The following GLIS2 variants were observed in gnomAD, a reference collection of about 807,000 sequenced individuals.
The protein encoded by GLIS2 is zinc finger protein GLIS2.
In GLIS2, 14 loss-of-function variants were observed where a neutral mutation model predicts 35.6. That is an observed-to-expected ratio of 0.39 (90% CI 0.26 to 0.61). GLIS2 has a LOEUF of 0.61. Among genes scored for constraint, GLIS2 ranks in the 20% least tolerant of loss-of-function variants. The pLI is 0.48. For missense variants in GLIS2, 675 were observed against 713.4 expected (o/e 0.95, Z 0.61); for synonymous variants, 368 against 325.1 (o/e 1.13, Z -1.42).
intron 1 of GLIS2, among the ~76,000 whole-genome samples, chr16:4,325,797 G>A (rs1321714835): frequency 6.6e-6 from 1 of 151,836 alleles, no homozygotes; most frequent in African/African-American, 2.4e-5. Flanking sequence ...TGAGCTGGGT[G>A]TGGTGGTGGT....
In GLIS2 at chr16:4,336,105, G is replaced by C. The variant is rs1247483905; in HGVS notation, c.776-620G>C. The C allele has an allele frequency of 2.6e-5, 5 of 194,242 alleles. No homozygotes were observed. The South Asian group carries it at 5.2e-4, about 20-fold the overall frequency. 12.0% of individuals were successfully genotyped at this position (194,242 alleles called of 1,614,324 possible). ...CCCAGGCAGCACTCCCTGTGGCCAGGCCCACGCTGGGCGCCTCGTGCCAGG... is the reference window on the plus strand; with the variant it reads ...CCCAGGCAGCACTCCCTGTGGCCAGCCCCACGCTGGGCGCCTCGTGCCAGG... On this transcript the variant is annotated intron_variant, in intron 6 of 6. Coordinates refer to ENST00000433375, the MANE Select transcript of GLIS2 (RefSeq NM_032575.3).
chr16:4,335,003 G>A lies in GLIS2; in HGVS notation c.522+26G>A. On this transcript the variant is annotated intron_variant, in intron 4 of 6. Transcript: ENST00000433375. This position sits in a 1 kb window ranked among gnomAD's most constrained non-coding sequence, Gnocchi z 4.6. The stretch of plus-strand genomic sequence containing the variant: ...GTGAGTGGGGGCCAGCAAGAGTAGT[G>A]TGGAGTCTGGGGCAGGTCACCCCGC... The A allele has an allele frequency of 6.2e-7, 1 of 1,613,186 alleles. No individual in the cohort carries two copies. Among genetic ancestry groups the A allele is most frequent in the East Asian group, 2.2e-5 (1 of 44,900 alleles).
chr16:4,319,007 C>G (rs1469146868), intron 1 of GLIS2, among the ~76,000 whole-genome samples: 1 of 152,046 alleles, frequency 6.6e-6, no homozygotes, highest in Non-Finnish European at 1.5e-5. Context: ...TGGGGAGGCA[C>G]TTTTGTGGGT....
In GLIS2 at chr16:4,332,326, A is replaced by C. The variant is rs746604974; in HGVS notation, c.46A>C (p.Lys16Gln). 1 of 1,613,186 alleles carries C rather than the reference A, an allele frequency of 6.2e-7. No homozygotes were observed. The highest frequency in any genetic ancestry group is 2.2e-5 in the East Asian group (1 of 44,884). The change falls in exon 2 of 7, where the codon AAG (lysine) becomes CAG (glutamine). Residue 16 changes from lysine (K) to glutamine (Q), a missense_variant. Lys to Gln is a moderately conservative substitution (Grantham distance 53). Around this residue, in one of 3 missense-constraint regions of GLIS2, gnomAD observed 225 missense variants for 238.7 expected, o/e 0.94. Coordinates refer to ENST00000433375, the MANE Select transcript of GLIS2 (RefSeq NM_032575.3). This position sits in a 1 kb window ranked among gnomAD's most constrained non-coding sequence, Gnocchi z 5.4. The part of the protein sequence containing the change: ...EPLDLKLSIT[K>Q]LRAAREKRER... ...GCTCGACCTGAAGCTGAGTATCACCAAGCTCCGGGCGGCAAGAGAGAAGCG... is the reference window on the plus strand; with the variant it reads ...GCTCGACCTGAAGCTGAGTATCACCCAGCTCCGGGCGGCAAGAGAGAAGCG...
rs977793955 is a variant in GLIS2, at chr16:4,339,234, C to G, written c.*1710C>G. On this transcript the variant is annotated 3_prime_UTR_variant, in exon 7 of 7. Transcript: ENST00000433375. ...CCCCACCCAGGCCCTGAGCACCCCC[C>G]ACCCCTGTGAGGGCCCCAGGCCTTA... is the stretch of plus-strand genomic sequence containing the variant. 2.0e-5 allele frequency: 3 copies of G among 152,766 alleles called. No homozygotes were observed. The highest frequency in any genetic ancestry group is 2.9e-5 in the Non-Finnish European group (2 of 68,284). 9.5% of individuals were successfully genotyped at this position (152,766 alleles called of 1,614,324 possible). A position where few individuals can be genotyped will look rare whatever the true frequency, so the allele number is the denominator to read the frequency against.
rs931014475 is a variant in GLIS2, at chr16:4,332,296, G to A, written c.16G>A (p.Glu6Lys). The A allele has an allele frequency of 1.2e-5, 20 of 1,612,724 alleles. No individual in the cohort carries two copies. The highest frequency in any genetic ancestry group is 2.2e-5 in the East Asian group (1 of 44,890). ...CCCCCTCACCATGCACTCCCTGGAC[G>A]AGCCGCTCGACCTGAAGCTGAGTAT... MHSLD[E>K]PLDLKLSITK... Residue 6 changes from glutamate to lysine, a missense_variant, in exon 2 of 7, where the codon GAG becomes AAG. Transcript: ENST00000433375. The surrounding 1 kb of genome is among the most constrained non-coding windows in gnomAD (Gnocchi z 5.4).
Position 4,335,010 on chromosome 16 carries a change from C to T in GLIS2, c.522+33C>T, listed in dbSNP as rs2053535104. On this transcript the variant is annotated intron_variant, in intron 4 of 6. Coordinates refer to ENST00000433375, the MANE Select transcript of GLIS2 (RefSeq NM_032575.3). This position sits in a 1 kb window ranked among gnomAD's most constrained non-coding sequence, Gnocchi z 4.6. ...GGGGCCAGCAAGAGTAGTGTGGAGT[C>T]TGGGGCAGGTCACCCCGCATGGGCT... The T allele has an allele frequency of 6.2e-7, 1 of 1,613,132 alleles. No individual in the cohort carries two copies. Among genetic ancestry groups the T allele is most frequent in the Non-Finnish European group, 8.5e-7 (1 of 1,180,038 alleles).
In GLIS2 at chr16:4,336,891, C is replaced by T; in HGVS notation, c.942C>T (p.Ile314=). The change falls in exon 7 of 7, where the codon ATC becomes ATT. Residue 314 remains isoleucine (I), a synonymous_variant. Transcript: ENST00000433375. The part of the protein sequence containing the change: ...YTDPSSLRKH[I]KAHGHFVSHE... Reference sequence around the variant, plus strand: ...ACCCCAGCTCACTGCGCAAGCACATCAAGGCCCATGGCCACTTTGTGTCCC... The same window carrying T: ...ACCCCAGCTCACTGCGCAAGCACATTAAGGCCCATGGCCACTTTGTGTCCC... 6.2e-7 allele frequency: 1 copy of T among 1,613,276 alleles called. No homozygotes were observed. The highest frequency in any genetic ancestry group is 8.5e-7 in the Non-Finnish European group (1 of 1,180,020).
In GLIS2 at chr16:4,336,722, C is replaced by T; in HGVS notation, c.776-3C>T. The T allele has an allele frequency of 6.3e-7, 1 of 1,593,318 alleles. No homozygotes were observed. The highest frequency in any genetic ancestry group is 1.7e-5 in the Admixed American group (1 of 57,178). ...GGCGGCACTGCACTGCACCACCCTG[C>T]AGGTGAGAAGCCCTACGTCTGCCCC... is the stretch of plus-strand genomic sequence containing the variant. On this transcript the variant is annotated splice_polypyrimidine_tract_variant and splice_region_variant and intron_variant, in intron 6 of 6. Coordinates refer to ENST00000433375, the MANE Select transcript of GLIS2 (RefSeq NM_032575.3).
chr16:4,322,199 G>T (rs1043722035), intron 1 of GLIS2, among the ~76,000 whole-genome samples: 1 of 152,092 alleles, frequency 6.6e-6, no homozygotes, highest in Admixed American at 6.5e-5. Context: ...GGGGCAGGAG[G>T]CTCTGGGCTG....
At chr16:4,326,755 ATTTTTTTT>A (rs35674831) in intron 1 of GLIS2, among the ~76,000 whole-genome samples, 1 of 110,096 alleles carries the variant, frequency 9.1e-6, no homozygotes, top group African/African-American at 3.4e-5. Context: ...ACGCCCAGCT[ATTTTTTTT>A]TTTTTTTTTT....
In GLIS2 at chr16:4,339,273, G is replaced by T. The variant is rs2053598714; in HGVS notation, c.*1749G>T. The T allele has an allele frequency of 6.6e-6, 1 of 152,664 alleles. No individual in the cohort carries two copies. The highest frequency in any genetic ancestry group is 6.5e-5 in the Admixed American group (1 of 15,338). The allele number at this position is 152,664 out of a possible 1,614,324, so 9.5% of individuals were successfully genotyped here. A position where few individuals can be genotyped will look rare whatever the true frequency, so the allele number is the denominator to read the frequency against. On this transcript the variant is annotated 3_prime_UTR_variant, in exon 7 of 7. Transcript: ENST00000433375. ...CCCCAGGCCTTAAGTCCCTGGCGGG[G>T]TCATGGGTTTGCGACTTGAGCAGAG...
intron 1 of GLIS2, among the ~76,000 whole-genome samples, chr16:4,331,121 C>T (rs916160702): frequency 1.3e-5 from 2 of 151,784 alleles, no homozygotes; most frequent in Non-Finnish European, 2.9e-5. Context: ...GGACTACAGG[C>T]GCCCGCCACC....
At position 4,335,660 on chromosome 16, in the gene GLIS2, T is replaced by G. The variant is rs2053543080; in HGVS notation, c.775+267T>G. ...TATCTTCTGACTAATGCCACCTCTG[T>G]GATCGCAGAGGCCAGGTCGGCTTCA... On this transcript the variant is annotated intron_variant, in intron 6 of 6. Coordinates refer to ENST00000433375, the MANE Select transcript of GLIS2 (RefSeq NM_032575.3). This position sits in a 1 kb window ranked among gnomAD's most constrained non-coding sequence, Gnocchi z 4.6. 6.6e-6 allele frequency among the ~76,000 whole-genome samples: 1 copy of G among 152,170 alleles called. No individual in the cohort carries two copies. Among genetic ancestry groups the G allele is most frequent in the South Asian group, 2.1e-4 (1 of 4,828 alleles).
chr16:4,336,344 A>T, intron 6 of GLIS2: 1 of 413,696 alleles, frequency 2.4e-6, no homozygotes. Flanking sequence ...ACGGGGTCTC[A>T]CCATGTTGGC....
In GLIS2 at chr16:4,336,912, G is replaced by A. The variant is rs755160506; in HGVS notation, c.963G>A (p.Val321=). ...RKHIKAHGHF[V]SHEQQELLQL... The stretch of plus-strand genomic sequence containing the variant: ...ACATCAAGGCCCATGGCCACTTTGT[G>A]TCCCACGAGCAGCAAGAGCTCCTGC... Residue 321 remains valine, a synonymous_variant, in exon 7 of 7, where the codon GTG becomes GTA. Transcript: ENST00000433375. 2.5e-6 allele frequency: 4 copies of A among 1,612,998 alleles called. No homozygotes were observed. The Admixed American group carries it at 5.0e-5, about 20-fold the overall frequency.
chr16:4,336,493 G>A, intron 6 of GLIS2: 2 of 632,616 alleles, frequency 3.2e-6, no homozygotes, highest in South Asian at 3.6e-5. Context: ...CTGTAGCAGA[G>A]GGTGCAGGGC....
At position 4,316,269 on chromosome 16, in the gene GLIS2, G is replaced by A. The variant is rs2053310067; in HGVS notation, c.-67+15G>A. Among the ~76,000 whole-genome samples, 1 of 143,840 alleles carries A rather than the reference G, an allele frequency of 7.0e-6. No individual in the cohort carries two copies. Among genetic ancestry groups the A allele is most frequent in the South Asian group, 2.2e-4 (1 of 4,532 alleles). 94.4% of individuals were successfully genotyped at this position (143,840 alleles called of 152,430 possible). On this transcript the variant is annotated intron_variant, in intron 1 of 6. Transcript: ENST00000433375. ...CCGCCGCTGAGGTAGGAAGCCCCCC[G>A]GGCGTCGCGCCGTGGGGACCGGGCC... is the stretch of plus-strand genomic sequence containing the variant.
intron 1 of GLIS2, among the ~76,000 whole-genome samples, chr16:4,325,636 G>T (rs1316492483): frequency 6.6e-6 from 1 of 152,136 alleles, no homozygotes; most frequent in Non-Finnish European, 1.5e-5. Context: ...TGTTAAATTA[G>T]AAGATGACGG....
Sources: gnomAD v4.1 joint callset for allele counts (sites outside exome capture counted in the v4.1 genomes callset) on GRCh38, gnomAD v4.1.1 for gene constraint, gnomAD v4.1.1 regional missense constraint, Gnocchi (gnomAD v3.1) non-coding constraint, MANE v1.5 for transcripts, NCBI Gene and HGNC (gene_info 2026-07-23, HGNC 2026-07-21) for gene names.